TIAM2: variants seen among roughly 807,000 people sequenced by gnomAD.
TIAM2 encodes TIAM Rac1 associated GEF 2.
TIAM2 carries 80 observed loss-of-function variants against 152.9 expected under a neutral mutation model. The ratio of observed to expected loss-of-function variants is 0.52; its 90% confidence interval spans 0.44 to 0.63. The LOEUF is 0.63. Ranked by LOEUF, TIAM2 falls within the 30% of genes least tolerant of loss-of-function variation. TIAM2 has a pLI of 0.00. For synonymous variants in TIAM2, 804 were observed against 838.0 expected (o/e 0.96, Z 0.70); for missense variants, 1,965 against 2,120.1 (o/e 0.93, Z 1.44).
At chr6:155,050,439 C>T (rs933759093) in intron 1 of TIAM2, among the ~76,000 whole-genome samples, 1 of 152,240 alleles carries the variant, frequency 6.6e-6, no homozygotes, top group Non-Finnish European at 1.5e-5. Context: ...CCACATCCTG[C>T]TGCTGACTTC....
At chr6:155,095,630 G>A (rs1213393145) in intron 2 of TIAM2, among the ~76,000 whole-genome samples, 2 of 152,190 alleles carry the variant, frequency 1.3e-5, no homozygotes, top group Non-Finnish European at 2.9e-5. Flanking sequence ...CCATCTGTCA[G>A]GATGCTGTAG....
At chr6:155,069,705 A>G (rs1777791417) in intron 1 of TIAM2, among the ~76,000 whole-genome samples, 1 of 152,210 alleles carries the variant, frequency 6.6e-6, no homozygotes, top group Non-Finnish European at 1.5e-5. Flanking sequence ...AAAATATATT[A>G]GAAAAATGAC....
Position 155,218,922 on chromosome 6 carries a change from G to A in TIAM2, c.3168+7615G>A, listed in dbSNP as rs1306248025. Among the ~76,000 whole-genome samples the A allele has an allele frequency of 2.0e-5, 3 of 148,424 alleles. No homozygotes were observed. Among genetic ancestry groups the A allele is most frequent in the Non-Finnish European group, 4.5e-5 (3 of 67,034 alleles). ...ACCCGTGTTCTTGACCATCTCAGCC[G>A]TGTTCTTGACCATCTCAGCCGCCCA... On this transcript the variant is annotated intron_variant, in intron 15 of 26. Transcript: ENST00000682666. The surrounding 1 kb of genome is among the most constrained non-coding windows in gnomAD (Gnocchi z 4.5).
At chr6:155,137,946 C>A (rs934884110) in intron 5 of TIAM2, among the ~76,000 whole-genome samples, 2 of 152,150 alleles carry the variant, frequency 1.3e-5, no homozygotes, top group African/African-American at 4.8e-5. Context: ...AAGCAATTCT[C>A]GTGCCTCAGC....
At chr6:155,176,684 T>A (rs1450334621) in intron 9 of TIAM2, 132 bp from the exon 10 acceptor site, 1 of 904,810 alleles carries the variant, frequency 1.1e-6, no homozygotes, top group Admixed American at 2.5e-5. Context: ...CAGAGGGCTG[T>A]GAGAAGCCAG....
chr6:155,165,388 G>A lies in TIAM2; in HGVS notation c.2340G>A (p.Glu780=), dbSNP rs151225233. 2.9e-4 allele frequency: 471 copies of A among 1,613,268 alleles called. 3 individuals are homozygous for A. In the African/African-American group the frequency reaches 5.8e-3, roughly 20 times the overall value. The change falls in exon 9 of 27, where the codon GAG becomes GAA. Residue 780 remains glutamate, a synonymous_variant. Transcript: ENST00000682666. Reference sequence around the variant, plus strand: ...ACACACTGGCCAGAAAAGGCAAGGAGAAGAGACCTTCTATAACTCAGGTGA... The same window carrying A: ...ACACACTGGCCAGAAAAGGCAAGGAAAAGAGACCTTCTATAACTCAGGTGA... ...GLDTLARKGK[E]KRPSITQVDE...
chr6:155,090,914 T>G (rs1179475550), intron 2 of TIAM2, among the ~76,000 whole-genome samples: 2 of 152,068 alleles, frequency 1.3e-5, no homozygotes, highest in African/African-American at 4.8e-5. Context: ...TTTTACTGAT[T>G]GGATGTGTTG....
At chr6:155,049,058 C>T (rs1777266770) in intron 1 of TIAM2, among the ~76,000 whole-genome samples, 1 of 152,128 alleles carries the variant, frequency 6.6e-6, no homozygotes, top group Admixed American at 6.5e-5. Context: ...GTCTCGGACT[C>T]CCAAAGTGCT....
rs148339828 is a variant in TIAM2 at position 155,089,755 on chromosome 6, A to G, written c.-208-534A>G. ...TGTCTCATTACCCTATTGACTCTGC[A>G]TTGCCTGTATCACTCTAGGATATTT... On this transcript the variant is annotated intron_variant, in intron 1 of 26. Transcript: ENST00000682666. 3.2e-3 allele frequency among the ~76,000 whole-genome samples: 482 copies of G among 152,262 alleles called. 2 individuals are homozygous for G. Among genetic ancestry groups the G allele is most frequent in the African/African-American group, 0.011 (443 of 41,560 alleles).
At position 155,257,297 on chromosome 6, in the gene TIAM2, G is replaced by T; in HGVS notation, c.*176G>T. 1 of 723,694 alleles carries T rather than the reference G, an allele frequency of 1.4e-6. No individual in the cohort carries two copies. The highest frequency in any genetic ancestry group is 2.8e-5 in the East Asian group (1 of 35,702). The allele number at this position is 723,694 out of a possible 1,614,324, so 44.8% of individuals were successfully genotyped here. On this transcript the variant is annotated 3_prime_UTR_variant, in exon 27 of 27. Transcript: ENST00000682666. Reference sequence around the variant, plus strand: ...AGTTATTTTAATTTATTGTGGATCAGAAACCTAGATGAAACTGGTCAGAAT... The same window carrying T: ...AGTTATTTTAATTTATTGTGGATCATAAACCTAGATGAAACTGGTCAGAAT...
intron 1 of TIAM2, among the ~76,000 whole-genome samples, chr6:154,997,664 A>T (rs1373392662): frequency 9.7e-6 from 1 of 102,692 alleles, no homozygotes; most frequent in Non-Finnish European, 1.8e-5. Flanking sequence ...TTTTTGAGAC[A>T]GGATCTCCCT....
At chr6:155,062,640 G>A (rs1330714255) in intron 1 of TIAM2, among the ~76,000 whole-genome samples, 4 of 149,238 alleles carry the variant, frequency 2.7e-5, no homozygotes, top group South Asian at 2.2e-4. Context: ...GTGCAATGGC[G>A]TGATCTCGGC....
intron 1 of TIAM2, among the ~76,000 whole-genome samples, chr6:155,048,948 A>C (rs1370102742): frequency 6.6e-6 from 1 of 151,898 alleles, no homozygotes; most frequent in African/African-American, 2.4e-5. Flanking sequence ...CTATAGGTGC[A>C]TGCCACCATG....
intron 14 of TIAM2, among the ~76,000 whole-genome samples, chr6:155,196,054 T>C (rs939032945): frequency 3.9e-5 from 6 of 152,190 alleles, no homozygotes; most frequent in Non-Finnish European, 7.3e-5. Context: ...TAAGGATCAC[T>C]GAGTGTTGCT....
chr6:155,165,289 C>A lies in TIAM2; in HGVS notation c.2241C>A (p.Leu747=). ...ALVCSRDDSA[L]RKRTLSLTQR... ...TATGTTCTAGAGATGACTCTGCTCT[C>A]CGGAAAAGGACACTGTCACTGACCC... Residue 747 remains leucine, a synonymous_variant, in exon 9 of 27, where the codon CTC becomes CTA. Transcript: ENST00000682666. The A allele has an allele frequency of 6.2e-7, 1 of 1,613,952 alleles. No individual in the cohort carries two copies. The highest frequency in any genetic ancestry group is 8.5e-7 in the Non-Finnish European group (1 of 1,179,978).
rs1583190278 is a variant in TIAM2 at position 155,101,805 on chromosome 6, G to T, written c.-118+11426G>T. Among the ~76,000 whole-genome samples, 3 of 151,682 alleles carry T rather than the reference G, an allele frequency of 2.0e-5. No homozygotes were observed. In the South Asian group the frequency reaches 6.2e-4, roughly 32 times the overall value. ...GGCTCACTGCAGCCTCTGCCTCTCG[G>T]GTTCTCCTGCCTCAGCCTCCCGAGT... On this transcript the variant is annotated intron_variant, in intron 2 of 26. Coordinates refer to ENST00000682666, the MANE Select transcript of TIAM2 (RefSeq NM_012454.4).
Sources: allele counts gnomAD v4.1 joint callset (sites outside exome capture counted in the v4.1 genomes callset), GRCh38; gene constraint gnomAD v4.1.1; non-coding constraint Gnocchi (gnomAD v3.1); transcripts MANE v1.5; gene names NCBI Gene and HGNC (gene_info 2026-07-23, HGNC 2026-07-21).